Variants in CACNA1B observed in about 807,000 individuals in gnomAD.
The protein encoded by CACNA1B is calcium voltage-gated channel subunit alpha1 B.
Under a neutral mutation model 247.2 loss-of-function variants are expected in CACNA1B, and 70 were observed. The ratio of observed to expected loss-of-function variants is 0.28; its 90% CI spans 0.23 to 0.35. The LOEUF is 0.35. CACNA1B is among the 10% of genes least tolerant of loss of function. CACNA1B has a pLI of 1.00. For missense variants in CACNA1B, 2,367 were observed against 3,197.4 expected (o/e 0.74, Z 6.26); for synonymous variants, 1,231 against 1,294.4 (o/e 0.95, Z 1.05).
At chr9:138,049,861 C>T (rs1047559330) in intron 24 of CACNA1B, among the ~76,000 whole-genome samples, 23 of 152,208 alleles carry the variant, frequency 1.5e-4, no homozygotes, top group Non-Finnish European at 2.8e-4. Flanking sequence ...AGTTGGCTTC[C>T]TCAGATAACT....
chr9:138,036,807 C>A (rs1295918283), intron 20 of CACNA1B, among the ~76,000 whole-genome samples: 1 of 152,188 alleles, frequency 6.6e-6, no homozygotes, highest in African/African-American at 2.4e-5. Flanking sequence ...CTTCTTCTTG[C>A]TTTCTTGTGT....
intron 39 of CACNA1B, among the ~76,000 whole-genome samples, chr9:138,108,330 A>G (rs893985084): frequency 2.0e-5 from 3 of 149,570 alleles, no homozygotes; most frequent in Admixed American, 1.3e-4. Context: ...AAAAAAAAAA[A>G]GCAAAAGCTT....
At chr9:138,113,510 G>A (rs145962953) in intron 40 of CACNA1B, among the ~76,000 whole-genome samples, 15,814 of 136,956 alleles carry the variant, frequency 0.12, 505 homozygotes, top group East Asian at 0.24. Context: ...GTGAGGGAGC[G>A]CAGGAAGGTG....
chr9:138,000,134 T>A (rs138850486), intron 15 of CACNA1B, among the ~76,000 whole-genome samples: 13,881 of 150,868 alleles, frequency 0.092, 1,004 homozygotes, highest in Admixed American at 0.21. Context: ...AGTCTCGCTC[T>A]GTCGCCCAGG....
At position 137,984,248 on chromosome 9, in the gene CACNA1B, G is replaced by A. The variant is rs201403818; in HGVS notation, c.1767G>A (p.Thr589=). The change falls in exon 13 of 47, where the codon ACG becomes ACA. Residue 589 remains threonine, a splice_region_variant and synonymous_variant. Transcript: ENST00000371372. ...ALRLLRIFKV[T]KYWSSLRNLV... is the part of the protein sequence containing the mutation. Reference sequence around the variant, plus strand: ...GCCTGCTGAGGATCTTCAAAGTCACGAAGTACGTCCCCTGCGCTCCCAGGC... The same window carrying A: ...GCCTGCTGAGGATCTTCAAAGTCACAAAGTACGTCCCCTGCGCTCCCAGGC... The A allele has an allele frequency of 2.0e-5, 31 of 1,580,264 alleles. No homozygotes were observed. The highest frequency in any genetic ancestry group is 2.6e-5 in the Non-Finnish European group (30 of 1,162,496).
intron 10 of CACNA1B, among the ~76,000 whole-genome samples, chr9:137,967,159 A>G (rs1404515437): frequency 1.3e-5 from 2 of 152,110 alleles, no homozygotes; most frequent in Admixed American, 6.5e-5. Context: ...CTGTTCCACA[A>G]AAGGTTGCCT....
chr9:138,121,719 C>T lies in CACNA1B; in HGVS notation c.6740C>T (p.Pro2247Leu), dbSNP rs1289767010. 2 of 1,613,412 alleles carry T rather than the reference C, an allele frequency of 1.2e-6. No homozygotes were observed. Among genetic ancestry groups the T allele is most frequent in the South Asian group, 2.2e-5 (2 of 91,088 alleles). Residue 2247 changes from proline to leucine, a missense_variant, in exon 47 of 47, where the codon CCC becomes CTC. Coordinates refer to ENST00000371372, the MANE Select transcript of CACNA1B (RefSeq NM_000718.4). This position sits in a 1 kb window ranked among gnomAD's most constrained non-coding sequence, Gnocchi z 6.8. ...ALLQRDPLSQ[P>L]LAPGSRIGSD... ...CTGCAGAGAGACCCCCTCAGCCAGC[C>T]CCTGGCCCCTGGCTCTCGAATTGGC... is the stretch of plus-strand genomic sequence containing the variant.
chr9:138,054,305 C>T lies in CACNA1B; in HGVS notation c.3968+299C>T, dbSNP rs533849685. Among the ~76,000 whole-genome samples, 2 of 152,358 alleles carry T rather than the reference C, an allele frequency of 1.3e-5. No homozygotes were observed. The highest frequency in any genetic ancestry group is 1.9e-4 in the East Asian group (1 of 5,192). On this transcript the variant is annotated intron_variant, in intron 26 of 46. Coordinates refer to ENST00000371372, the MANE Select transcript of CACNA1B (RefSeq NM_000718.4). This position sits in a 1 kb window ranked among gnomAD's most constrained non-coding sequence, Gnocchi z 4.6. ...AGACATCCAGGGAGCTCAAGGTGCC[C>T]ACTGGGCAAGGCTTTCTCTAAGCCC...
chr9:138,044,749 G>C lies in CACNA1B; in HGVS notation c.3413+849G>C, dbSNP rs565414291. Among the ~76,000 whole-genome samples, 37 of 152,330 alleles carry C rather than the reference G, an allele frequency of 2.4e-4. 1 individual carries two copies. The South Asian group carries it at 7.5e-3, about 31-fold the overall frequency. On this transcript the variant is annotated intron_variant, in intron 21 of 46. Transcript: ENST00000371372. ...AGGCTGCATGGACGTACCCCTGTTC[G>C]TTACCGATCTGCCCATCCCCTTCTT... is the stretch of plus-strand genomic sequence containing the variant.
chr9:138,030,834 AGTT>A (rs1444825941), intron 20 of CACNA1B, among the ~76,000 whole-genome samples: 2 of 152,138 alleles, frequency 1.3e-5, no homozygotes, highest in Non-Finnish European at 1.5e-5. Flanking sequence ...AAGTGTATAC[AGTT>A]GTTTGTGATG....
rs765928965 is a variant in CACNA1B, at chr9:138,023,388, G to A, written c.2645G>A (p.Arg882Gln). The change falls in exon 19 of 47, where the codon CGG becomes CAG. Residue 882 changes from arginine (R) to glutamine (Q), a missense_variant. By Grantham distance (43) the Arg-to-Gln change is conservative. Around this residue, in one of 12 missense-constraint regions of CACNA1B, gnomAD observed 631 missense variants for 631.1 expected, o/e 1.00. Coordinates refer to ENST00000371372, the MANE Select transcript of CACNA1B (RefSeq NM_000718.4). ...PKAESGEPGA[R>Q]EERPRPHRSH... is the part of the protein sequence containing the mutation. ...GCGGAGAGCGGGGAGCCCGGTGCCC[G>A]GGAGGAGCGGCCGCGGCCGCACCGC... 7 of 1,368,344 alleles carry A rather than the reference G, an allele frequency of 5.1e-6. No homozygotes were observed. The highest frequency in any genetic ancestry group is 1.7e-5 in the South Asian group (1 of 57,164). 84.8% of individuals were successfully genotyped at this position (1,368,344 alleles called of 1,614,324 possible).
intron 36 of CACNA1B, among the ~76,000 whole-genome samples, chr9:138,086,692 ATT>A (rs1960703668): frequency 3.3e-5 from 5 of 151,398 alleles, no homozygotes; most frequent in African/African-American, 7.3e-5. Flanking sequence ...AGAGAGATAG[ATT>A]CCAGCACAGT....
chr9:137,936,356 T>A (rs1266355021), intron 6 of CACNA1B, among the ~76,000 whole-genome samples: 1 of 152,242 alleles, frequency 6.6e-6, no homozygotes, highest in Non-Finnish European at 1.5e-5. Flanking sequence ...TAAATTTGTT[T>A]AAGTTCTTTG....
chr9:138,095,113 G>C (rs560380033), intron 36 of CACNA1B, among the ~76,000 whole-genome samples: 1 of 152,274 alleles, frequency 6.6e-6, no homozygotes, highest in Admixed American at 6.5e-5. Flanking sequence ...AGATAAATTA[G>C]ACTACATCAA....
intron 1 of CACNA1B, 53 bp from the exon 2 acceptor site, chr9:137,879,001 G>T: frequency 1.7e-6 from 2 of 1,195,990 alleles, no homozygotes; most frequent in South Asian, 2.6e-5. Context: ...GCTGGCGTCG[G>T]CCTCGTGTTT....
intron 15 of CACNA1B, among the ~76,000 whole-genome samples, chr9:138,002,738 AT>A (rs1339366472): frequency 6.6e-6 from 1 of 151,594 alleles, no homozygotes; most frequent in Non-Finnish European, 1.5e-5. Context: ...TATTATGAAA[AT>A]ATCTTTATGA....
In CACNA1B at chr9:138,020,240, G is replaced by A. The variant is rs1268663499; in HGVS notation, c.2268-2771G>A. 6.6e-6 allele frequency among the ~76,000 whole-genome samples: 1 copy of A among 152,132 alleles called. No homozygotes were observed. The highest frequency in any genetic ancestry group is 2.4e-5 in the African/African-American group (1 of 41,426). On this transcript the variant is annotated intron_variant, in intron 18 of 46. Transcript: ENST00000371372. This position sits in a 1 kb window ranked among gnomAD's most constrained non-coding sequence, Gnocchi z 4.1. ...CAGAGCGCCTTGAGGCCACTTCCAA[G>A]TCCTGTAGTTCCCCACAGCACCCAG...
In CACNA1B at chr9:137,952,296, C is replaced by T. The variant is rs1957886594; in HGVS notation, c.989C>T (p.Thr330Ile). ...CAGACAAACGATGCGGCCGGCAACA[C>T]CTGGAACTGGCTCTACTTCATCCCT... Reference protein sequence around the residue: ...LYNTNDAAGNTWNWLYFIPLI... With the variant: ...LYNTNDAAGNIWNWLYFIPLI... Residue 330 changes from threonine to isoleucine, a missense_variant, in exon 7 of 47, where the codon ACC (threonine) becomes ATC (isoleucine). Coordinates refer to ENST00000371372, the MANE Select transcript of CACNA1B (RefSeq NM_000718.4). The surrounding 1 kb of genome is among the most constrained non-coding windows in gnomAD (Gnocchi z 4.8). 2 of 1,613,780 alleles carry T rather than the reference C, an allele frequency of 1.2e-6. No homozygotes were observed. Among genetic ancestry groups the T allele is most frequent in the South Asian group, 1.1e-5 (1 of 91,066 alleles).
intron 20 of CACNA1B, among the ~76,000 whole-genome samples, chr9:138,041,023 A>T (rs1191703765): frequency 4.6e-5 from 7 of 152,204 alleles, no homozygotes; most frequent in Non-Finnish European, 5.9e-5. Flanking sequence ...TTCTCTTGGG[A>T]TATCTTTAGA....
Sources: gnomAD v4.1 joint callset for allele counts (sites outside exome capture counted in the v4.1 genomes callset) on GRCh38, gnomAD v4.1.1 for gene constraint, gnomAD v4.1.1 regional missense constraint, Gnocchi (gnomAD v3.1) non-coding constraint, MANE v1.5 for transcripts, NCBI Gene and HGNC (gene_info 2026-07-23, HGNC 2026-07-21) for gene names.